GLUD1: variants seen among roughly 807,000 people sequenced by gnomAD.
The protein encoded by GLUD1 is glutamate dehydrogenase 1.
A neutral mutation model predicts 56.0 loss-of-function variants in GLUD1; 22 were observed. The ratio of observed to expected loss-of-function variants is 0.39; its 90% CI spans 0.28 to 0.56. The LOEUF is 0.56. GLUD1 is among the 20% of genes least tolerant of loss of function. The pLI, the probability that GLUD1 is intolerant of heterozygous loss-of-function variation, is 0.58. For synonymous variants in GLUD1, 223 were observed against 269.9 expected (o/e 0.83, Z 1.70); for missense variants, 451 against 732.0 (o/e 0.62, Z 4.43).
In GLUD1 at chr10:87,093,915, CA is replaced by C. The variant is rs1438569118; in HGVS notation, c.445+409del. ...TACCAGAAAATAATTTGACAGCTTG[CA>C]TTTAGGGGAGACTCACAAAAGCCCA... On this transcript the variant is annotated intron_variant, in intron 1 of 12. Coordinates refer to ENST00000277865, the MANE Select transcript of GLUD1 (RefSeq NM_005271.5). 4.5e-6 allele frequency: 6 copies of C among 1,333,284 alleles called. No homozygotes were observed. In the East Asian group the frequency reaches 2.8e-4, roughly 62 times the overall value. The allele number at this position is 1,333,284 out of a possible 1,614,324, so 82.6% of individuals were successfully genotyped here.
chr10:87,059,297 A>G, intron 9 of GLUD1, 24 bp from the exon 10 acceptor site: 2 of 1,611,704 alleles, frequency 1.2e-6, no homozygotes, highest in Non-Finnish European at 1.7e-6. Context: ...TAAGACAAAG[A>G]AATTAGAAGA....
chr10:87,062,562 T>C (rs1354080158), intron 6 of GLUD1, 94 bp downstream of exon 6: 2 of 991,300 alleles, frequency 2.0e-6, no homozygotes, highest in Non-Finnish European at 3.1e-6. Flanking sequence ...AGATTTGAGA[T>C]AACTTAATTT....
Position 87,060,833 on chromosome 10 carries a change from T to C in GLUD1, c.1060-8A>G. The C allele has an allele frequency of 6.2e-7, 1 of 1,614,234 alleles. No homozygotes were observed. The highest frequency in any genetic ancestry group is 8.5e-7 in the Non-Finnish European group (1 of 1,180,042). On this transcript the variant is annotated splice_region_variant and splice_polypyrimidine_tract_variant and intron_variant, in intron 7 of 12. Transcript: ENST00000277865. ...CAGAATGGACCCATGTTGCTGCCAT[T>C]GATTGAAAATCACAATTAATAGCTG... is the stretch of plus-strand genomic sequence containing the variant.
At chr10:87,073,657 T>G (rs1184517140) in intron 4 of GLUD1, among the ~76,000 whole-genome samples, 15 of 141,436 alleles carry the variant, frequency 1.1e-4, no homozygotes, top group Non-Finnish European at 1.5e-5. Flanking sequence ...CTCGCTCTGT[T>G]GCCCAGGCTG....
At chr10:87,076,060 A>G (rs772786127) in intron 2 of GLUD1, 37 bp from the exon 3 acceptor site, 2 of 1,473,742 alleles carry the variant, frequency 1.4e-6, no homozygotes, top group East Asian at 2.3e-5. Context: ...TTCCATATAA[A>G]TGTTAAAAAA....
chr10:87,079,639 T>C (rs1841150935), intron 1 of GLUD1, among the ~76,000 whole-genome samples: 1 of 152,194 alleles, frequency 6.6e-6, no homozygotes, highest in East Asian at 1.9e-4. Context: ...TCTCCTAGGA[T>C]GGGTGTCACG....
intron 5 of GLUD1, 65 bp downstream of exon 5, chr10:87,067,998 A>C (rs1846122279): frequency 8.8e-6 from 8 of 911,636 alleles, no homozygotes; most frequent in Non-Finnish European, 1.5e-5. Flanking sequence ...TGATATAATC[A>C]GTCAAACTGT....
rs755199262 is a variant in GLUD1 at position 87,093,947 on chromosome 10, A to C, written c.445+378T>G. ...GGGAGACTCACAAAAGCCCAAGAAC[A>C]CTGACGAGGCATTATCACACGGGCA... On this transcript the variant is annotated intron_variant, in intron 1 of 12. Transcript: ENST00000277865. 263 of 1,372,738 alleles carry C rather than the reference A, an allele frequency of 1.9e-4. 2 individuals are homozygous for C. In the Middle Eastern group the frequency reaches 2.7e-3, roughly 14 times the overall value. The allele number at this position is 1,372,738 out of a possible 1,614,324, so 85.0% of individuals were successfully genotyped here. A position where few individuals can be genotyped will look rare whatever the true frequency, so the allele number is the denominator to read the frequency against.
intron 4 of GLUD1, among the ~76,000 whole-genome samples, chr10:87,072,779 G>A (rs1040055566): frequency 4.6e-5 from 7 of 152,180 alleles, no homozygotes; most frequent in African/African-American, 1.4e-4. Context: ...AACCATTCAA[G>A]ACTATAAAAT....
At chr10:87,072,665 A>G (rs2133820823) in intron 4 of GLUD1, among the ~76,000 whole-genome samples, 1 of 152,322 alleles carries the variant, frequency 6.6e-6, no homozygotes, top group South Asian at 2.1e-4. Flanking sequence ...ATTCCAATGA[A>G]TCACTTTTTG....
chr10:87,081,694 T>G (rs192246713), intron 1 of GLUD1, among the ~76,000 whole-genome samples: 2 of 152,078 alleles, frequency 1.3e-5, no homozygotes, highest in African/African-American at 2.4e-5. Flanking sequence ...CACTCAGGGT[T>G]AAATGGATTA....
intron 12 of GLUD1, 81 bp downstream of exon 12, chr10:87,053,261 T>C (rs900534018): frequency 2.3e-6 from 2 of 887,036 alleles, no homozygotes; most frequent in African/African-American, 1.6e-5. Context: ...TATCAGCACA[T>C]ACAGTCTGGC....
At chr10:87,086,297 A>AT (rs997189103) in intron 1 of GLUD1, among the ~76,000 whole-genome samples, 6 of 151,770 alleles carry the variant, frequency 4.0e-5, no homozygotes, top group Admixed American at 2.6e-4. Context: ...TGATACCACC[A>AT]TTTTTTTCTA....
intron 1 of GLUD1, among the ~76,000 whole-genome samples, chr10:87,080,845 G>GT (rs1408435355): frequency 6.6e-6 from 1 of 151,112 alleles, no homozygotes; most frequent in Non-Finnish European, 1.5e-5. Flanking sequence ...CGGGAGGGAG[G>GT]TGGGGGGGTC....
chr10:87,072,460 G>A (rs1403318522), intron 4 of GLUD1, among the ~76,000 whole-genome samples: 3 of 152,156 alleles, frequency 2.0e-5, no homozygotes, highest in Non-Finnish European at 2.9e-5. Context: ...TGGGCAGTCA[G>A]GAAATAACAG....
chr10:87,062,319 A>G (rs1398085629), intron 6 of GLUD1, among the ~76,000 whole-genome samples: 2 of 152,220 alleles, frequency 1.3e-5, no homozygotes, highest in East Asian at 3.8e-4. Flanking sequence ...AAACCTTTCT[A>G]TATACTTACA....
At chr10:87,076,531 T>C in intron 2 of GLUD1, 45 bp downstream of exon 2, 1 of 1,090,762 alleles carries the variant, frequency 9.2e-7, no homozygotes, top group Non-Finnish European at 1.4e-6. Context: ...TGTAAACATA[T>C]TTCCCCAGAG....
chr10:87,089,693 C>G (rs868191924), intron 1 of GLUD1: 1 of 981,622 alleles, frequency 1.0e-6, no homozygotes, highest in Non-Finnish European at 1.2e-6. Context: ...GTCTTCTTGT[C>G]CTTAATAAAG....
At chr10:87,072,563 C>T (rs117714695) in intron 4 of GLUD1, among the ~76,000 whole-genome samples, 1,758 of 152,288 alleles carry the variant, frequency 0.012, 31 homozygotes, top group Middle Eastern at 0.071. Context: ...TGGGCCAAGA[C>T]GTCAATTTAA....
Sources: gnomAD v4.1 joint callset for allele counts (sites outside exome capture counted in the v4.1 genomes callset) on GRCh38, gnomAD v4.1.1 for gene constraint, MANE v1.5 for transcripts, NCBI Gene and HGNC (gene_info 2026-07-23, HGNC 2026-07-21) for gene names.